PSMC3: variants seen among roughly 807,000 people sequenced by gnomAD.
PSMC3 encodes proteasome 26S subunit, ATPase 3.
In PSMC3, 11 loss-of-function variants were observed where a neutral mutation model predicts 52.0. That is an observed-to-expected ratio of 0.21 (90% confidence interval 0.13 to 0.35). The LOEUF (loss-of-function observed/expected upper bound fraction) is 0.35, where lower values mean the gene tolerates loss of function less well. Among genes scored for constraint, PSMC3 ranks in the 10% least tolerant of loss-of-function variants. The pLI, the probability that PSMC3 is intolerant of heterozygous loss-of-function variation, is 1.00. For missense variants in PSMC3, 238 were observed against 567.1 expected (o/e 0.42, Z 5.89); for synonymous variants, 201 against 218.8 (o/e 0.92, Z 0.72).
chr11:47,420,644 T>C lies in PSMC3; in HGVS notation c.968A>G (p.Asn323Ser). 1 of 1,552,520 alleles carries C rather than the reference T, an allele frequency of 6.4e-7. No individual in the cohort carries two copies. Among genetic ancestry groups the C allele is most frequent in the Non-Finnish European group, 8.7e-7 (1 of 1,147,332 alleles). Residue 323 changes from asparagine to serine, a missense_variant, in exon 9 of 12, where the codon AAC (asparagine) becomes AGC (serine). By Grantham distance (46) the Asn-to-Ser change is conservative. Transcript: ENST00000298852. Reference protein sequence around the residue: ...LLNQLDGFQPNTQVKVIAATN... With the variant: ...LLNQLDGFQPSTQVKVIAATN... ...GCTAATACTCACCTTAACTTGGGTG[T>C]TGGGCTGGAAGCCATCCAGCTGGTT...
At position 47,424,603 on chromosome 11, in the gene PSMC3, T is replaced by C. The variant is rs1252316654; in HGVS notation, c.390+4A>G. 2 of 1,612,024 alleles carry C rather than the reference T, an allele frequency of 1.2e-6. No homozygotes were observed. The highest frequency in any genetic ancestry group is 1.3e-5 in the African/African-American group (1 of 74,878). On this transcript the variant is annotated splice_donor_region_variant and intron_variant, in intron 4 of 11. Coordinates refer to ENST00000298852, the MANE Select transcript of PSMC3 (RefSeq NM_002804.5). This position sits in a 1 kb window ranked among gnomAD's most constrained non-coding sequence, Gnocchi z 4.8. ...CCAGTCTCTCATTGCTGAGCCACGC[T>C]CACCTGTCGTGTAGAGGTTTTGATC...
Position 47,418,813 on chromosome 11 carries a change from G to A in PSMC3, c.*22C>T. 2 of 1,598,686 alleles carry A rather than the reference G, an allele frequency of 1.3e-6. No individual in the cohort carries two copies. Among genetic ancestry groups the A allele is most frequent in the Non-Finnish European group, 1.7e-6 (2 of 1,166,102 alleles). On this transcript the variant is annotated 3_prime_UTR_variant, in exon 12 of 12. Transcript: ENST00000298852. ...CTTTTATTGCGCACTTCAGCCGTGAGACTGGGGCTGGCCTGTGTGCCCTAG... is the reference window on the plus strand; with the variant it reads ...CTTTTATTGCGCACTTCAGCCGTGAAACTGGGGCTGGCCTGTGTGCCCTAG...
intron 6 of PSMC3, among the ~76,000 whole-genome samples, chr11:47,423,560 G>A (rs1195908540): frequency 2.6e-5 from 4 of 152,140 alleles, no homozygotes; most frequent in African/African-American, 9.7e-5. Flanking sequence ...GCCAAGGCAC[G>A]CGGATCACCT....
At chr11:47,420,236 T>G in intron 10 of PSMC3, 28 bp downstream of exon 10, 2 of 1,612,542 alleles carry the variant, frequency 1.2e-6, no homozygotes, top group Non-Finnish European at 1.7e-6. Flanking sequence ...TGTTCAGGTC[T>G]CTGTGCCCTG....
At chr11:47,419,773 G>A (rs1255442771) in intron 10 of PSMC3, among the ~76,000 whole-genome samples, 1 of 151,916 alleles carries the variant, frequency 6.6e-6, no homozygotes, top group East Asian at 1.9e-4. Context: ...GCAGGAGAAT[G>A]GCGTGAACCC....
At chr11:47,419,846 G>A (rs1202115077) in intron 10 of PSMC3, among the ~76,000 whole-genome samples, 9 of 151,236 alleles carry the variant, frequency 6.0e-5, no homozygotes, top group East Asian at 1.9e-4. Flanking sequence ...GCGACAGAGC[G>A]AGACACTGTC....
At position 47,422,481 on chromosome 11, in the gene PSMC3, G is replaced by C; in HGVS notation, c.884+93C>G. Reference sequence around the variant, plus strand: ...CATCCAGGGGCAGGAGGGGATACAGGGTGGGAAGGAACCACAATTTAGCAC... The same window carrying C: ...CATCCAGGGGCAGGAGGGGATACAGCGTGGGAAGGAACCACAATTTAGCAC... On this transcript the variant is annotated intron_variant, in intron 8 of 11. Transcript: ENST00000298852. This position sits in a 1 kb window ranked among gnomAD's most constrained non-coding sequence, Gnocchi z 4.3. The C allele has an allele frequency of 6.7e-7, 1 of 1,483,666 alleles. No homozygotes were observed. The highest frequency in any genetic ancestry group is 9.2e-7 in the Non-Finnish European group (1 of 1,083,960). The allele number at this position is 1,483,666 out of a possible 1,614,324, so 91.9% of individuals were successfully genotyped here.
At chr11:47,421,654 ATT>A (rs10710820) in intron 8 of PSMC3, among the ~76,000 whole-genome samples, 774 of 139,922 alleles carry the variant, frequency 5.5e-3, no homozygotes, top group African/African-American at 0.011. Flanking sequence ...GGAAAGTTTG[ATT>A]TTTTTTTTTT....
chr11:47,425,788 G>A, intron 2 of PSMC3, 79 bp downstream of exon 2: 1 of 1,304,328 alleles, frequency 7.7e-7, no homozygotes, highest in East Asian at 2.4e-5. Flanking sequence ...TGCCCGATTA[G>A]GAAGTACGAG....
chr11:47,426,169 C>G, intron 1 of PSMC3, 36 bp downstream of exon 1: 1 of 1,545,702 alleles, frequency 6.5e-7, no homozygotes, highest in Middle Eastern at 2.2e-4. Flanking sequence ...CCCTGCGGGC[C>G]CCGGTTCCCG....
At chr11:47,423,188 A>G (rs893416085) in intron 6 of PSMC3, among the ~76,000 whole-genome samples, 3 of 151,596 alleles carry the variant, frequency 2.0e-5, no homozygotes, top group African/African-American at 7.3e-5. Context: ...TCACAAGGTC[A>G]GGAGATCGAG....
At position 47,421,480 on chromosome 11, in the gene PSMC3, G is replaced by A. The variant is rs7950102; in HGVS notation, c.885-753C>T. 5.7e-3 allele frequency among the ~76,000 whole-genome samples: 869 copies of A among 152,096 alleles called. 9 individuals carry two copies. The highest frequency in any genetic ancestry group is 0.02 in the African/African-American group (834 of 41,482). ...CTAGGCAACCAACCAGTGGAGAACAGGGTAAGAGCCACGGCGGGCCTGAAA... is the reference window on the plus strand; with the variant it reads ...CTAGGCAACCAACCAGTGGAGAACAAGGTAAGAGCCACGGCGGGCCTGAAA... On this transcript the variant is annotated intron_variant, in intron 8 of 11. Transcript: ENST00000298852.
Position 47,426,207 on chromosome 11 carries a change from C to T in PSMC3, c.73G>A (p.Glu25Lys). Residue 25 changes from glutamate (E) to lysine (K), a missense_variant and splice_region_variant, in exon 1 of 12, where the codon GAG becomes AAG. Around this residue, in one of 6 missense-constraint regions of PSMC3, gnomAD observed 48 missense variants for 63.4 expected, o/e 0.76. Coordinates refer to ENST00000298852, the MANE Select transcript of PSMC3 (RefSeq NM_002804.5). ...CCGCCAGCTCGCCCGGTGCCCACCT[C>T]GGCCTCATCCCACACGGTCGCCATC... ...EKMATVWDEAEQDGIGEEVLK... is the reference protein window; with the variant it reads ...EKMATVWDEAKQDGIGEEVLK... The T allele has an allele frequency of 6.4e-7, 1 of 1,558,338 alleles. No homozygotes were observed. Among genetic ancestry groups the T allele is most frequent in the African/African-American group, 1.4e-5 (1 of 73,508 alleles).
Position 47,420,625 on chromosome 11 carries a change from A to G in PSMC3, c.981+6T>C, listed in dbSNP as rs1322069344. 6.4e-7 allele frequency: 1 copy of G among 1,551,292 alleles called. No homozygotes were observed. The highest frequency in any genetic ancestry group is 2.0e-5 in the Admixed American group (1 of 50,978). The stretch of plus-strand genomic sequence containing the variant: ...ATCATCTTTGCCTGGGAGTGCTAAT[A>G]CTCACCTTAACTTGGGTGTTGGGCT... On this transcript the variant is annotated splice_donor_region_variant and intron_variant, in intron 9 of 11. Coordinates refer to ENST00000298852, the MANE Select transcript of PSMC3 (RefSeq NM_002804.5).
Position 47,422,791 on chromosome 11 carries a change from TCCTGCCCA to T in PSMC3, c.735+31_735+38del, listed in dbSNP as rs2096042143. On this transcript the variant is annotated intron_variant, in intron 7 of 11. Transcript: ENST00000298852. This position sits in a 1 kb window ranked among gnomAD's most constrained non-coding sequence, Gnocchi z 4.3. Reference sequence around the variant, plus strand: ...TGAGCCCATCTGGTAGAGTTTCTGCTCCTGCCCACTTCCCCCGCATCCCTCCCAAAGTA... The same window carrying T: ...TGAGCCCATCTGGTAGAGTTTCTGCTCTTCCCCCGCATCCCTCCCAAAGTA... The T allele has an allele frequency of 6.2e-7, 1 of 1,604,480 alleles. No individual in the cohort carries two copies. The highest frequency in any genetic ancestry group is 1.7e-5 in the Admixed American group (1 of 59,642).
intron 6 of PSMC3, among the ~76,000 whole-genome samples, chr11:47,423,525 GC>G (rs2096043146): frequency 6.6e-6 from 1 of 152,278 alleles, no homozygotes; most frequent in Admixed American, 6.5e-5. Flanking sequence ...AGTGGCTCAT[GC>G]CTGTAATCCC....
chr11:47,419,431 T>A (rs1007785539), intron 10 of PSMC3, among the ~76,000 whole-genome samples: 1 of 152,202 alleles, frequency 6.6e-6, no homozygotes, highest in African/African-American at 2.4e-5. Flanking sequence ...TCTGGCCTTC[T>A]AGAAATCTGC....
intron 8 of PSMC3, among the ~76,000 whole-genome samples, chr11:47,421,654 A>AT (rs10710820): frequency 7.1e-5 from 10 of 140,340 alleles, no homozygotes; most frequent in African/African-American, 2.6e-4. Flanking sequence ...GGAAAGTTTG[A>AT]TTTTTTTTTT....
chr11:47,420,926 G>A (rs943673602), intron 8 of PSMC3, among the ~76,000 whole-genome samples, 199 bp from the exon 9 acceptor site: 3 of 152,170 alleles, frequency 2.0e-5, no homozygotes, highest in Non-Finnish European at 4.4e-5. Context: ...GAGACTCCTA[G>A]AATCAGGTGC....
Sources: allele counts gnomAD v4.1 joint callset (sites outside exome capture counted in the v4.1 genomes callset), GRCh38; gene constraint gnomAD v4.1.1; regional missense constraint gnomAD v4.1.1; non-coding constraint Gnocchi (gnomAD v3.1); transcripts MANE v1.5; gene names NCBI Gene and HGNC (gene_info 2026-07-23, HGNC 2026-07-21).